The following NEDD9 variants were observed in gnomAD, a reference collection of about 807,000 sequenced individuals.
NEDD9 encodes enhancer of filamentation 1.
A neutral mutation model predicts 76.6 loss-of-function variants in NEDD9; 26 were observed. The observed-to-expected ratio is 0.34, with a 90% CI of 0.25 to 0.47. The LOEUF is 0.47. Among genes scored for constraint, NEDD9 ranks in the 20% least tolerant of loss-of-function variants. The probability of loss-of-function intolerance (pLI) is 1.00; values close to 1 mark genes in which losing one functional copy is unlikely to be tolerated. For synonymous variants in NEDD9, 392 were observed against 414.2 expected, an observed-to-expected ratio of 0.95 and a Z score of 0.65; for missense variants, 937 against 1,058.5, an observed-to-expected ratio of 0.89 and a Z score of 1.59.
chr6:11,264,177 C>T (rs1436650156), intron 3 of NEDD9, among the ~76,000 whole-genome samples: 1 of 152,228 alleles, frequency 6.6e-6, no homozygotes, highest in African/African-American at 2.4e-5. Flanking sequence ...AACCGGCTAC[C>T]TCCCCACTGG....
At chr6:11,366,009 G>A (rs1412924300) in intron 1 of NEDD9, among the ~76,000 whole-genome samples, 2 of 151,630 alleles carry the variant, frequency 1.3e-5, no homozygotes, top group African/African-American at 4.9e-5. Context: ...AAAGAGGCTG[G>A]GCGTGGTGGC....
chr6:11,295,767 A>G (rs1760874616), intron 3 of NEDD9, among the ~76,000 whole-genome samples: 1 of 152,126 alleles, frequency 6.6e-6, no homozygotes, highest in Non-Finnish European at 1.5e-5. Context: ...TTGCCTTGAC[A>G]GTTTCCCAGG....
intron 3 of NEDD9, among the ~76,000 whole-genome samples, chr6:11,238,004 T>C (rs774394877): frequency 2.3e-4 from 35 of 152,188 alleles, no homozygotes; most frequent in African/African-American, 2.4e-5. Context: ...TCAAAAATAA[T>C]TGGAGGCAGC....
chr6:11,364,276 C>G (rs544207786), intron 1 of NEDD9, among the ~76,000 whole-genome samples: 1 of 152,270 alleles, frequency 6.6e-6, no homozygotes, highest in East Asian at 1.9e-4. Context: ...TCCTGTGTGA[C>G]TCCCCTAGGA....
At chr6:11,237,269 G>A (rs1263466205), upstream of NEDD9, among the ~76,000 whole-genome samples, 1 of 152,166 alleles carries the variant, frequency 6.6e-6, no homozygotes, top group East Asian at 1.9e-4. This position sits in a 1 kb window ranked among gnomAD's most constrained non-coding sequence, Gnocchi z 4.9. Context: ...GAACAGGGTG[G>A]TATCTTGTTC....
intron 3 of NEDD9, among the ~76,000 whole-genome samples, chr6:11,281,650 G>C (rs973058179): frequency 1.3e-5 from 2 of 152,140 alleles, no homozygotes; most frequent in Non-Finnish European, 2.9e-5. Flanking sequence ...CACCACACCT[G>C]GCCAACAGGG....
At position 11,190,325 on chromosome 6, in the gene NEDD9, A is replaced by T. The variant is rs377490749; in HGVS notation, c.1544T>A (p.Ile515Asn). Residue 515 changes from isoleucine (I) to asparagine (N), a missense_variant, in exon 5 of 7, where the codon ATC (isoleucine) becomes AAC (asparagine). Physicochemically the swap from Ile to Asn is moderately radical, Grantham distance 149 (BLOSUM62 -3). Coordinates refer to ENST00000379446, the MANE Select transcript of NEDD9 (RefSeq NM_006403.4). This position sits in a 1 kb window ranked among gnomAD's most constrained non-coding sequence, Gnocchi z 5.8. ...DLNECSWSLN[I>N]LAINKPQNKC... Reference sequence around the variant, plus strand: ...GTTCTGGGGCTTGTTGATGGCCAAGATATTCAGGGACCAGCTGCACTCATT... The same window carrying T: ...GTTCTGGGGCTTGTTGATGGCCAAGTTATTCAGGGACCAGCTGCACTCATT... The T allele has an allele frequency of 3.1e-6, 5 of 1,614,108 alleles. No homozygotes were observed. The highest frequency in any genetic ancestry group is 4.2e-6 in the Non-Finnish European group (5 of 1,180,022).
At position 11,347,638 on chromosome 6, in the gene NEDD9, C is replaced by T. The variant is rs141977042; in HGVS notation, c.-213-13077G>A. Among the ~76,000 whole-genome samples, 265 of 152,258 alleles carry T rather than the reference C, an allele frequency of 1.7e-3. 1 individual carries two copies. The highest frequency in any genetic ancestry group is 6.1e-3 in the African/African-American group (255 of 41,550). ...TTATCCCTGGGACTCAAGGCTTGTT[C>T]AACATGTGCAAATCAATAAATGTGA... On this transcript the variant is annotated intron_variant, in intron 1 of 3. Coordinates refer to the NEDD9 transcript ENST00000397378.
chr6:11,298,088 A>G (rs1349902281), intron 3 of NEDD9, among the ~76,000 whole-genome samples: 1 of 151,932 alleles, frequency 6.6e-6, no homozygotes, highest in Non-Finnish European at 1.5e-5. Context: ...TTCTATTTTT[A>G]GTAGAGATGG....
At chr6:11,201,912 G>C (rs1266454689) in intron 2 of NEDD9, among the ~76,000 whole-genome samples, 2 of 152,138 alleles carry the variant, frequency 1.3e-5, no homozygotes, top group Non-Finnish European at 2.9e-5. Flanking sequence ...TAGAGATAGT[G>C]ACTTGATTAT....
At chr6:11,381,828 A>G (rs539779353) in intron 1 of NEDD9, among the ~76,000 whole-genome samples, 2 of 152,328 alleles carry the variant, frequency 1.3e-5, no homozygotes, top group Middle Eastern at 6.8e-3. Flanking sequence ...GCTGTCAGGT[A>G]AGCTCTCTGA....
intron 1 of NEDD9, among the ~76,000 whole-genome samples, chr6:11,339,688 C>T (rs952328451): frequency 9.2e-5 from 14 of 152,286 alleles, no homozygotes; most frequent in Admixed American, 5.2e-4. Flanking sequence ...CTTTGATTAG[C>T]GTATTCATTG....
chr6:11,192,233 C>A, intron 4 of NEDD9, 112 bp downstream of exon 4: 1 of 638,444 alleles, frequency 1.6e-6, no homozygotes. Flanking sequence ...TTTGGGTTTG[C>A]CTTTCTTGTT....
At chr6:11,283,603 A>C (rs1207673200) in intron 3 of NEDD9, among the ~76,000 whole-genome samples, 2 of 152,314 alleles carry the variant, frequency 1.3e-5, no homozygotes, top group East Asian at 3.9e-4. Flanking sequence ...TTTAATGACC[A>C]TGGCAAACTC....
intron 1 of NEDD9, among the ~76,000 whole-genome samples, chr6:11,339,942 A>G (rs112202522): frequency 6.6e-6 from 1 of 152,198 alleles, no homozygotes; most frequent in Admixed American, 6.5e-5. Flanking sequence ...GTTGATTCCA[A>G]ATGTGAGCTT....
rs760820424 is a variant in NEDD9 at position 11,227,725 on chromosome 6, A to T, written c.12+4779T>A. Among the ~76,000 whole-genome samples, 6 of 152,230 alleles carry T rather than the reference A, an allele frequency of 3.9e-5. 1 individual carries two copies. The highest frequency in any genetic ancestry group is 1.4e-4 in the African/African-American group (6 of 41,452). On this transcript the variant is annotated intron_variant, in intron 1 of 6. Coordinates refer to ENST00000379446, the MANE Select transcript of NEDD9 (RefSeq NM_006403.4). ...ACTAAACAGGCCCAGTAGGCAACCT[A>T]TCTGAGTTACAGGTATCCTTTAGAT...
intron 3 of NEDD9, among the ~76,000 whole-genome samples, chr6:11,244,260 TACACACACACACACACGTGTGTGCAC>T (rs1759765787): frequency 2.0e-5 from 3 of 151,054 alleles, no homozygotes. Flanking sequence ...TCTTTCTCTT[TACACACACACACACACGTGTGTGCAC>T]GCACACACAC....
intron 3 of NEDD9, among the ~76,000 whole-genome samples, chr6:11,275,565 C>CATATATAT (rs1554129530): frequency 6.7e-6 from 1 of 150,178 alleles, no homozygotes; most frequent in Non-Finnish European, 1.5e-5. Context: ...CACACACACA[C>CATATATAT]ATATATATAT....
intron 1 of NEDD9, among the ~76,000 whole-genome samples, chr6:11,356,010 C>T (rs531085111): frequency 1.1e-3 from 169 of 152,294 alleles, no homozygotes; most frequent in African/African-American, 3.9e-3. Flanking sequence ...CGTGAGCCAC[C>T]ATGCCCGGCC....
Sources: allele counts gnomAD v4.1 joint callset (sites outside exome capture counted in the v4.1 genomes callset), GRCh38; gene constraint gnomAD v4.1.1; non-coding constraint Gnocchi (gnomAD v3.1); transcripts MANE v1.5; gene names NCBI Gene and HGNC (gene_info 2026-07-23, HGNC 2026-07-21).